Variants in ASIC2 observed in about 807,000 individuals in gnomAD.
ASIC2 encodes acid sensing ion channel subunit 2, also known as acid-sensing ion channel 2.
ASIC2 carries 25 observed loss-of-function variants against 57.3 expected under a neutral mutation model. The observed-to-expected ratio is 0.44, with a 90% CI of 0.32 to 0.61. ASIC2 has a LOEUF of 0.61. ASIC2 is among the 20% of genes least tolerant of loss of function. The pLI is 0.06. For missense variants in ASIC2, 641 were observed against 738.1 expected (o/e 0.87, Z 1.52); for synonymous variants, 319 against 307.5 (o/e 1.04, Z -0.39).
chr17:33,137,252 G>A (rs11656076), intron 1 of ASIC2, among the ~76,000 whole-genome samples: 32,832 of 152,126 alleles, frequency 0.22, 3,657 homozygotes, highest in Middle Eastern at 0.33. Context: ...GTTAGAAAAC[G>A]CTGGGCTAGC....
At chr17:33,782,771 C>A (rs954864187) in intron 1 of ASIC2, among the ~76,000 whole-genome samples, 39 of 152,190 alleles carry the variant, frequency 2.6e-4, no homozygotes, top group African/African-American at 7.7e-4. Context: ...ATGAGCTGAT[C>A]ATGGACCTCC....
chr17:33,112,285 G>A, intron 1 of ASIC2: 1 of 569,768 alleles, frequency 1.8e-6, no homozygotes, highest in South Asian at 2.3e-5. Flanking sequence ...ATGCCCTTTG[G>A]GGTTTGTTGC....
chr17:33,799,377 C>CCTTTCTTTCTTTCTTT (rs150337011), intron 1 of ASIC2, among the ~76,000 whole-genome samples: 2 of 40,914 alleles, frequency 4.9e-5, no homozygotes, highest in African/African-American at 1.3e-4. Context: ...TTTCTTTCTT[C>CCTTTCTTTCTTTCTTT]CTTTCTTTCT....
At chr17:33,115,013 C>T (rs2092275218) in intron 1 of ASIC2, among the ~76,000 whole-genome samples, 1 of 152,128 alleles carries the variant, frequency 6.6e-6, no homozygotes, top group Non-Finnish European at 1.5e-5. Context: ...GAAGGCTTTC[C>T]CTGTCAAAGA....
intron 1 of ASIC2, among the ~76,000 whole-genome samples, chr17:33,314,626 A>G (rs1906567022): frequency 6.6e-6 from 1 of 152,186 alleles, no homozygotes; most frequent in Non-Finnish European, 1.5e-5. Context: ...TTGAGTTTTC[A>G]TTACCAGGCC....
intron 1 of ASIC2, among the ~76,000 whole-genome samples, chr17:33,706,784 C>G (rs899056674): frequency 2.6e-5 from 4 of 152,172 alleles, no homozygotes; most frequent in Non-Finnish European, 5.9e-5. Context: ...ATTCTGCCCC[C>G]ACCTGGGAAA....
chr17:34,075,823 C>CTTTTTTTTT (rs57703083), intron 1 of ASIC2, among the ~76,000 whole-genome samples: 1 of 77,548 alleles, frequency 1.3e-5, no homozygotes. Flanking sequence ...TTTCTTTTTC[C>CTTTTTTTTT]TTTTTTTTTT....
chr17:33,035,721 A>C (rs1304206153), intron 3 of ASIC2, among the ~76,000 whole-genome samples: 4 of 152,216 alleles, frequency 2.6e-5, no homozygotes, highest in Non-Finnish European at 5.9e-5. Flanking sequence ...CAATGGCAGC[A>C]ACTGAAATTA....
chr17:33,865,772 CAA>C (rs1156250944), intron 1 of ASIC2, among the ~76,000 whole-genome samples: 14 of 74,158 alleles, frequency 1.9e-4, no homozygotes, highest in African/African-American at 3.6e-4. Context: ...AAAAAAAAAA[CAA>C]AAAAAAAAAC....
intron 1 of ASIC2, among the ~76,000 whole-genome samples, chr17:33,550,047 C>T (rs145077789): frequency 1.3e-5 from 2 of 152,284 alleles, no homozygotes; most frequent in African/African-American, 4.8e-5. Flanking sequence ...AACTCCTTAT[C>T]CGAGCACAGT....
chr17:34,127,509 A>G (rs1172856839), intron 1 of ASIC2, among the ~76,000 whole-genome samples: 2 of 152,198 alleles, frequency 1.3e-5, no homozygotes, highest in Non-Finnish European at 2.9e-5. Context: ...CTCTTCCCAG[A>G]CCATCAGCCT....
At chr17:33,826,458 T>C (rs1412687146) in intron 1 of ASIC2, among the ~76,000 whole-genome samples, 1 of 152,196 alleles carries the variant, frequency 6.6e-6, no homozygotes, top group Non-Finnish European at 1.5e-5. Context: ...TCCCGTGATC[T>C]CAGACTGAAT....
At chr17:33,508,678 G>A (rs1286583105) in intron 1 of ASIC2, among the ~76,000 whole-genome samples, 3 of 152,200 alleles carry the variant, frequency 2.0e-5, no homozygotes, top group Non-Finnish European at 4.4e-5. Context: ...GATGTGGCAG[G>A]TAGGAGCTTG....
At chr17:33,309,894 G>T (rs10432046) in intron 1 of ASIC2, among the ~76,000 whole-genome samples, 27,496 of 145,802 alleles carry the variant, frequency 0.19, 2,712 homozygotes, top group East Asian at 0.37. Flanking sequence ...TGGTGAAGAA[G>T]CTCTTCTATC....
intron 2 of ASIC2, among the ~76,000 whole-genome samples, chr17:33,107,981 T>C (rs2092241889): frequency 6.6e-6 from 1 of 152,170 alleles, no homozygotes; most frequent in Non-Finnish European, 1.5e-5. Flanking sequence ...AATCTCTGCT[T>C]CTGGAGTGTT....
intron 1 of ASIC2, among the ~76,000 whole-genome samples, chr17:33,510,253 C>T (rs1438964676): frequency 6.6e-6 from 1 of 152,184 alleles, no homozygotes; most frequent in African/African-American, 2.4e-5. Flanking sequence ...ATTTAGTTCC[C>T]AGACAGATTC....
At chr17:33,782,947 G>C (rs548703145) in intron 1 of ASIC2, among the ~76,000 whole-genome samples, 3 of 152,000 alleles carry the variant, frequency 2.0e-5, no homozygotes, top group Non-Finnish European at 4.4e-5. Flanking sequence ...AAACTTCCTC[G>C]CCTCAGAATT....
intron 1 of ASIC2, among the ~76,000 whole-genome samples, chr17:34,021,059 G>A (rs1222161583): frequency 6.6e-6 from 1 of 151,966 alleles, no homozygotes; most frequent in African/African-American, 2.4e-5. Context: ...GCCATCATAA[G>A]AATGATACGG....
At chr17:33,834,008 A>G (rs1274542085) in intron 1 of ASIC2, 1 of 152,226 alleles carries the variant, frequency 6.6e-6, no homozygotes, top group African/African-American at 2.4e-5. Flanking sequence ...GGCTGCAGTG[A>G]ATCGTGATCA....
Sources: allele counts gnomAD v4.1 joint callset (sites outside exome capture counted in the v4.1 genomes callset), GRCh38; gene constraint gnomAD v4.1.1; transcripts MANE v1.5; gene names NCBI Gene and HGNC (gene_info 2026-07-23, HGNC 2026-07-21).